Variants in CSMD1 observed in about 807,000 individuals in gnomAD.
CSMD1 encodes CUB and Sushi multiple domains 1.
CSMD1 carries 213 observed loss-of-function variants against 417.5 expected under a neutral mutation model. The ratio of observed to expected loss-of-function variants is 0.51; its 90% confidence interval spans 0.46 to 0.57. The LOEUF is 0.57. CSMD1 is among the 20% of genes least tolerant of loss of function. The pLI is 0.00. For missense variants in CSMD1, 6,923 were observed against 4,529.7 expected, an observed-to-expected ratio of 1.53 and a Z score of -15.17; for synonymous variants, 2,862 against 1,736.8, an observed-to-expected ratio of 1.65 and a Z score of -16.11.
chr8:4,785,875 G>A (rs564856421), intron 1 of CSMD1, among the ~76,000 whole-genome samples: 1 of 152,078 alleles, frequency 6.6e-6, no homozygotes, highest in Non-Finnish European at 1.5e-5. Flanking sequence ...AGACACAACG[G>A]GGCCTGGATT....
At chr8:4,300,613 C>A (rs945242654) in intron 3 of CSMD1, among the ~76,000 whole-genome samples, 2 of 152,050 alleles carry the variant, frequency 1.3e-5, no homozygotes, top group Non-Finnish European at 2.9e-5. Flanking sequence ...ATACATGTGC[C>A]ATGCTGGTGT....
intron 26 of CSMD1, among the ~76,000 whole-genome samples, chr8:3,267,555 C>A (rs544285705): frequency 6.6e-6 from 1 of 152,094 alleles, no homozygotes; most frequent in African/African-American, 2.4e-5. Flanking sequence ...CAGGGAGCTT[C>A]CAGCACAAGG....
At chr8:4,745,138 C>G (rs995329337) in intron 1 of CSMD1, among the ~76,000 whole-genome samples, 1 of 152,040 alleles carries the variant, frequency 6.6e-6, no homozygotes, top group African/African-American at 2.4e-5. Flanking sequence ...CAAATTCATA[C>G]TTTTAAAATT....
At chr8:3,276,195 G>C (rs1802277651) in intron 26 of CSMD1, among the ~76,000 whole-genome samples, 1 of 152,014 alleles carries the variant, frequency 6.6e-6, no homozygotes. Flanking sequence ...GCCGTGTGAG[G>C]TGTCAGTCTA....
At chr8:3,916,847 G>C (rs185647708) in intron 5 of CSMD1, among the ~76,000 whole-genome samples, 258 of 152,144 alleles carry the variant, frequency 1.7e-3, no homozygotes, top group African/African-American at 5.7e-3. Context: ...GCAGGTTAGA[G>C]AGATAAGGAC....
At chr8:3,976,161 A>G (rs1813422855) in intron 5 of CSMD1, among the ~76,000 whole-genome samples, 1 of 152,114 alleles carries the variant, frequency 6.6e-6, no homozygotes, top group African/African-American at 2.4e-5. Context: ...TGCATAACCT[A>G]AGGTTTCAAA....
At chr8:3,054,275 C>T (rs771520855) in intron 49 of CSMD1, among the ~76,000 whole-genome samples, 4 of 152,282 alleles carry the variant, frequency 2.6e-5, no homozygotes, top group Middle Eastern at 6.8e-3. Context: ...AAATTTCAAG[C>T]TCTAAAATGT....
intron 47 of CSMD1, among the ~76,000 whole-genome samples, chr8:3,092,064 T>C (rs1392613310): frequency 2.0e-5 from 3 of 152,172 alleles, no homozygotes; most frequent in African/African-American, 7.2e-5. Flanking sequence ...TTTGGTAATA[T>C]CCAGTAAAAT....
chr8:3,894,565 T>C (rs1438897530), intron 5 of CSMD1, among the ~76,000 whole-genome samples: 1 of 152,226 alleles, frequency 6.6e-6, no homozygotes, highest in African/African-American at 2.4e-5. Context: ...TAAAATAGAT[T>C]TCTACATCCT....
intron 15 of CSMD1, among the ~76,000 whole-genome samples, 181 bp downstream of exon 15, chr8:3,405,846 G>A (rs902520121): frequency 6.6e-6 from 1 of 152,156 alleles, no homozygotes; most frequent in Non-Finnish European, 1.5e-5. Flanking sequence ...GATGACACCT[G>A]GATCTCAGAC....
intron 50 of CSMD1, among the ~76,000 whole-genome samples, chr8:3,032,626 A>G (rs1402456429): frequency 5.9e-5 from 9 of 152,018 alleles, no homozygotes; most frequent in Non-Finnish European, 8.8e-5. Context: ...ACTGATTCAC[A>G]TGCCTGTACG....
At chr8:4,787,473 C>T (rs1406790288) in intron 1 of CSMD1, 1 of 823,850 alleles carries the variant, frequency 1.2e-6, no homozygotes, top group East Asian at 2.5e-5. Flanking sequence ...GAAGGAAAAG[C>T]TGCAATCTCA....
chr8:4,738,997 T>A (rs1810427688), intron 1 of CSMD1, among the ~76,000 whole-genome samples: 1 of 152,122 alleles, frequency 6.6e-6, no homozygotes, highest in East Asian at 1.9e-4. Context: ...TAATCTTAAG[T>A]CTTCCATGCT....
intron 6 of CSMD1, among the ~76,000 whole-genome samples, chr8:3,711,646 G>C (rs1801515238): frequency 6.6e-6 from 1 of 152,200 alleles, no homozygotes; most frequent in East Asian, 1.9e-4. Flanking sequence ...ACACGAGATG[G>C]GGTATCTGCT....
At chr8:4,245,496 C>T (rs1190919339) in intron 3 of CSMD1, among the ~76,000 whole-genome samples, 1 of 152,080 alleles carries the variant, frequency 6.6e-6, no homozygotes, top group Non-Finnish European at 1.5e-5. Context: ...TCATGAAGAG[C>T]CTAAGGTTGG....
At position 3,536,109 on chromosome 8, in the gene CSMD1, G is replaced by T. The variant is rs1247760675; in HGVS notation, c.1344+38836C>A. ...CAAGTAGCTGATAAATATTATCATTGTTTTTATGATACCAAGCTGTGATAT... is the reference window on the plus strand; with the variant it reads ...CAAGTAGCTGATAAATATTATCATTTTTTTTATGATACCAAGCTGTGATAT... On this transcript the variant is annotated intron_variant, in intron 10 of 69. Transcript: ENST00000635120. Among the ~76,000 whole-genome samples the T allele has an allele frequency of 1.3e-5, 2 of 152,202 alleles. 1 individual carries two copies. The highest frequency in any genetic ancestry group is 4.1e-4 in the South Asian group (2 of 4,832).
At chr8:4,306,906 A>G (rs1441281053) in intron 3 of CSMD1, among the ~76,000 whole-genome samples, 2 of 152,148 alleles carry the variant, frequency 1.3e-5, no homozygotes, top group Non-Finnish European at 2.9e-5. Flanking sequence ...CGCTAAAAAT[A>G]TACTTCAAAA....
intron 30 of CSMD1, among the ~76,000 whole-genome samples, chr8:3,212,592 G>T (rs139121895): frequency 2.0e-5 from 3 of 152,082 alleles, no homozygotes; most frequent in African/African-American, 7.2e-5. Flanking sequence ...GAGCTCAAGG[G>T]ATCCACTAGC....
chr8:3,372,045 A>C (rs1442261732), intron 18 of CSMD1, among the ~76,000 whole-genome samples: 1 of 152,188 alleles, frequency 6.6e-6, no homozygotes, highest in African/African-American at 2.4e-5. Context: ...ACAGGATAAA[A>C]CCTGTAACAA....
Sources: allele counts gnomAD v4.1 joint callset (sites outside exome capture counted in the v4.1 genomes callset), GRCh38; gene constraint gnomAD v4.1.1; transcripts MANE v1.5; gene names NCBI Gene and HGNC (gene_info 2026-07-23, HGNC 2026-07-21).